The following MDC1 variants were observed in gnomAD, a reference collection of about 807,000 sequenced individuals.
The protein encoded by MDC1 is mediator of DNA damage checkpoint protein 1.
A neutral mutation model predicts 142.5 loss-of-function variants in MDC1; 81 were observed. The ratio of observed to expected loss-of-function variants is 0.57; its 90% CI spans 0.47 to 0.68. The LOEUF (loss-of-function observed/expected upper bound fraction) is 0.68. Ranked by LOEUF, MDC1 falls within the 30% of genes least tolerant of loss-of-function variation. The pLI, the probability that MDC1 is intolerant of heterozygous loss-of-function variation, is 0.00. For missense variants in MDC1, 2,119 were observed against 2,547.9 expected, an observed-to-expected ratio of 0.83 and a Z score of 3.62; for synonymous variants, 797 against 968.4, an observed-to-expected ratio of 0.82 and a Z score of 3.29.
intron 9 of MDC1, 82 bp from the exon 10 acceptor site, chr6:30,706,180 T>A: frequency 8.1e-7 from 1 of 1,239,330 alleles, no homozygotes; most frequent in Non-Finnish European, 1.1e-6. Flanking sequence ...TACTTGTTTA[T>A]GGTTAGATAG....
At position 30,705,798 on chromosome 6, in the gene MDC1, G is replaced by A. The variant is rs1488035891; in HGVS notation, c.3385C>T (p.Pro1129Ser). 6.2e-7 allele frequency: 1 copy of A among 1,612,926 alleles called. No homozygotes were observed. The highest frequency in any genetic ancestry group is 1.3e-5 in the African/African-American group (1 of 74,852). Reference sequence around the variant, plus strand: ...ACTGGCTGGGCTGTGGAGGTGGAAGGGTGGGGCTCAGGGGCAGCAGAGGTA... The same window carrying A: ...ACTGGCTGGGCTGTGGAGGTGGAAGAGTGGGGCTCAGGGGCAGCAGAGGTA... ...PATSAAPEPH[P>S]STSTAQPVTP... The change falls in exon 10 of 15, where the codon CCT (proline) becomes TCT (serine). Residue 1129 changes from proline (P) to serine (S), a missense_variant. Transcript: ENST00000376406.
At chr6:30,711,800 C>T in intron 5 of MDC1, 74 bp from the exon 6 acceptor site, 1 of 1,570,160 alleles carries the variant, frequency 6.4e-7, no homozygotes, top group Non-Finnish European at 8.6e-7. Flanking sequence ...ATAATCTCTA[C>T]CTTTCTCTCC....
In MDC1 at chr6:30,703,325, T is replaced by C; in HGVS notation, c.5683-39A>G. 1 of 1,609,040 alleles carries C rather than the reference T, an allele frequency of 6.2e-7. No individual in the cohort carries two copies. ...GACCTGAGGTGGTTACGGCAACCCA[T>C]GCCATCAGCACCCATCTCTACAATC... On this transcript the variant is annotated intron_variant, in intron 11 of 14. Coordinates refer to ENST00000376406, the MANE Select transcript of MDC1 (RefSeq NM_014641.3). The surrounding 1 kb of genome is among the most constrained non-coding windows in gnomAD (Gnocchi z 4.4).
rs1461162958 is a variant in MDC1 at position 30,707,975 on chromosome 6, G to A, written c.2604C>T (p.Asp868=). The A allele has an allele frequency of 1.9e-6, 3 of 1,612,938 alleles. No individual in the cohort carries two copies. The highest frequency in any genetic ancestry group is 2.7e-5 in the African/African-American group (2 of 74,908). The change falls in exon 8 of 15, where the codon GAC becomes GAT. Residue 868 remains aspartate (D), a synonymous_variant. Transcript: ENST00000376406. ...TTTTGTCAGATTCTTGTCTCTGGGTGTCTCTAGCTAACAACTGTTTTTGTT... is the reference window on the plus strand; with the variant it reads ...TTTTGTCAGATTCTTGTCTCTGGGTATCTCTAGCTAACAACTGTTTTTGTT... ...DREQKQLLAR[D]TQRQESDKNG... is the part of the protein sequence containing the mutation.
chr6:30,711,614 C>G, intron 6 of MDC1, 53 bp downstream of exon 6: 1 of 1,606,256 alleles, frequency 6.2e-7, no homozygotes. Flanking sequence ...GACCACCAGT[C>G]TAATCTCCCA....
At chr6:30,710,453 G>A (rs1317077949) in intron 7 of MDC1, among the ~76,000 whole-genome samples, 2 of 146,410 alleles carry the variant, frequency 1.4e-5, no homozygotes, top group Non-Finnish European at 3.0e-5. Context: ...GCCAGAGTGC[G>A]ATGGCACAAT....
At position 30,705,873 on chromosome 6, in the gene MDC1, T is replaced by A; in HGVS notation, c.3310A>T (p.Lys1104Ter). 6.2e-7 allele frequency: 1 copy of A among 1,610,814 alleles called. No individual in the cohort carries two copies. The highest frequency in any genetic ancestry group is 8.5e-7 in the Non-Finnish European group (1 of 1,178,478). Reference sequence around the variant, plus strand: ...GACTTCCGAGTTCTAATTTTAGGCTTTGGGTGGAAAGGCTCCAGCTCTGAG... The same window carrying A: ...GACTTCCGAGTTCTAATTTTAGGCTATGGGTGGAAAGGCTCCAGCTCTGAG... ...LSSELEPFHP[K>*]PKIRTRKSSR... Residue 1104 changes from lysine (K) to a stop codon, truncating the protein, a stop_gained, in exon 10 of 15, where the codon AAG (lysine) becomes TAG (stop). Transcript: ENST00000376406. LOFTEE classifies it high-confidence loss of function.
chr6:30,701,433 T>C (rs529527450), intron 14 of MDC1, among the ~76,000 whole-genome samples: 2 of 152,126 alleles, frequency 1.3e-5, no homozygotes, highest in South Asian at 4.1e-4. Flanking sequence ...AAGATGAACC[T>C]GAATTTATTC....
At chr6:30,714,966 T>C (rs1775459235) in intron 2 of MDC1, 74 bp downstream of exon 2, 1 of 1,551,950 alleles carries the variant, frequency 6.4e-7, no homozygotes, top group Non-Finnish European at 8.8e-7. Context: ...CATAAGCTTC[T>C]TGCAACCCTC....
In MDC1 at chr6:30,712,183, G is replaced by C; in HGVS notation, c.1759C>G (p.Leu587Val). ...ACATCTGCAACTACTGAGGCTGTTA[G>C]GGAGGTGCCCTCCTCTGCATCTGTT... ...CETDAEEGTS[L>V]TASVVADVRK... Residue 587 changes from leucine to valine, a missense_variant, in exon 5 of 15, where the codon CTA (leucine) becomes GTA (valine). Physicochemically the swap from Leu to Val is conservative, Grantham distance 32. Coordinates refer to ENST00000376406, the MANE Select transcript of MDC1 (RefSeq NM_014641.3). The surrounding 1 kb of genome is among the most constrained non-coding windows in gnomAD (Gnocchi z 4.7). 1 of 1,612,816 alleles carries C rather than the reference G, an allele frequency of 6.2e-7. No individual in the cohort carries two copies. The highest frequency in any genetic ancestry group is 8.5e-7 in the Non-Finnish European group (1 of 1,180,004).
At chr6:30,708,855 C>CAAAAAAAAAAAAAAAAA (rs59939040) in intron 7 of MDC1, among the ~76,000 whole-genome samples, 4 of 55,236 alleles carry the variant, frequency 7.2e-5, no homozygotes, top group East Asian at 1.1e-3. Flanking sequence ...GACTCTGTCT[C>CAAAAAAAAAAAAAAAAA]AAAAAAAAAA....
In MDC1 at chr6:30,700,513, G is replaced by C; in HGVS notation, c.6222C>G (p.Ala2074=). 1.2e-6 allele frequency: 2 copies of C among 1,612,980 alleles called. No individual in the cohort carries two copies. Among genetic ancestry groups the C allele is most frequent in the South Asian group, 2.2e-5 (2 of 91,080 alleles). The change falls in exon 15 of 15, where the codon GCC becomes GCG. Residue 2074 remains alanine, a synonymous_variant. Transcript: ENST00000376406. ...FLLTGVLKQE[A]KPEAFVLSPL... ...GGGAGAGGACAAAGGCCTCTGGCTTGGCTTCCTGCTTCAGCACTCCAGTCA... is the reference window on the plus strand; with the variant it reads ...GGGAGAGGACAAAGGCCTCTGGCTTCGCTTCCTGCTTCAGCACTCCAGTCA...
Position 30,702,793 on chromosome 6 carries a change from G to A in MDC1, c.5950C>T (p.Gln1984Ter). 4 of 1,613,154 alleles carry A rather than the reference G, an allele frequency of 2.5e-6. No homozygotes were observed. The highest frequency in any genetic ancestry group is 3.4e-6 in the Non-Finnish European group (4 of 1,180,034). Reference protein sequence around the residue: ...EQEKNFGFSLQDALSRARERR... With the variant: ...EQEKNFGFSL ...TCCCGAGCCCTGCTCAGTGCGTCTTGAAGGCTAAAGCCAAAGTTCTTCTCT... is the reference window on the plus strand; with the variant it reads ...TCCCGAGCCCTGCTCAGTGCGTCTTAAAGGCTAAAGCCAAAGTTCTTCTCT... The change falls in exon 13 of 15, where the codon CAA becomes TAA. Residue 1984 changes from glutamine to a stop codon, truncating the protein, a stop_gained. Transcript: ENST00000376406. LOFTEE classifies it high-confidence loss of function.
chr6:30,714,068 GT>G lies in MDC1; in HGVS notation c.251del (p.Asp84AlafsTer18). The G allele has an allele frequency of 6.2e-7, 1 of 1,612,878 alleles. No homozygotes were observed. Among genetic ancestry groups the G allele is most frequent in the African/African-American group, 1.3e-5 (1 of 75,026 alleles). On this transcript the variant is annotated frameshift_variant, in exon 3 of 15. Coordinates refer to ENST00000376406, the MANE Select transcript of MDC1 (RefSeq NM_014641.3). LOFTEE classifies it high-confidence loss of function. ...QHAEIEILAW[D>X]KAPILRDCGS... is the part of the protein sequence containing the mutation. ...CACAGTCTCGGAGGATAGGTGCCTTGTCCCAGGCTAAGATTTCAATCTCTGC... is the reference window on the plus strand; with the variant it reads ...CACAGTCTCGGAGGATAGGTGCCTTGCCCAGGCTAAGATTTCAATCTCTGC...
Position 30,704,937 on chromosome 6 carries a change from G to A in MDC1, c.4246C>T (p.Pro1416Ser). Residue 1416 changes from proline to serine, a missense_variant, in exon 10 of 15, where the codon CCT becomes TCT. Pro to Ser is a moderately conservative substitution (Grantham distance 74). Coordinates refer to ENST00000376406, the MANE Select transcript of MDC1 (RefSeq NM_014641.3). The part of the protein sequence containing the change: ...TLVPTAPKLE[P>S]STSTDQPVTP... ...ACAGGTTGGTCTGTGGAAGTGGAAG[G>A]CTCGAGCTTAGGGGCTGTGGGGACA... 2 of 1,603,636 alleles carry A rather than the reference G, an allele frequency of 1.2e-6. No homozygotes were observed. The highest frequency in any genetic ancestry group is 4.5e-5 in the East Asian group (2 of 44,156).
Position 30,711,681 on chromosome 6 carries a change from T to G in MDC1, c.2114A>C (p.Asn705Thr). The G allele has an allele frequency of 6.2e-7, 1 of 1,613,048 alleles. No individual in the cohort carries two copies. Among genetic ancestry groups the G allele is most frequent in the Non-Finnish European group, 8.5e-7 (1 of 1,180,018 alleles). Residue 705 changes from asparagine (N) to threonine (T), a missense_variant, in exon 6 of 15, where the codon AAT becomes ACT. Asn to Thr is a moderately conservative substitution (Grantham distance 65, BLOSUM62 0). Coordinates refer to ENST00000376406, the MANE Select transcript of MDC1 (RefSeq NM_014641.3). Reference sequence around the variant, plus strand: ...GAAGTCCTCACCTTCCAGGCCCTGATTCTCCAGAAAGCACTGGGTAGCTTG... The same window carrying G: ...GAAGTCCTCACCTTCCAGGCCCTGAGTCTCCAGAAAGCACTGGGTAGCTTG... ...DLQATQCFLENQGLEAVQSME... is the reference protein window; with the variant it reads ...DLQATQCFLETQGLEAVQSME...
At position 30,714,112 on chromosome 6, in the gene MDC1, A is replaced by T; in HGVS notation, c.208T>A (p.Ser70Thr). ...ATCTCTGCATGTTGTTTGGAGATAG[A>T]TGGAAAGGGCAGGGCCACAGAGCAG... Reference protein sequence around the residue: ...PDCSVALPFPSISKQHAEIEI... With the variant: ...PDCSVALPFPTISKQHAEIEI... Residue 70 changes from serine to threonine, a missense_variant, in exon 3 of 15, where the codon TCT becomes ACT. Physicochemically the swap from Ser to Thr is moderately conservative, Grantham distance 58. Coordinates refer to ENST00000376406, the MANE Select transcript of MDC1 (RefSeq NM_014641.3). 6.2e-7 allele frequency: 1 copy of T among 1,612,618 alleles called. No individual in the cohort carries two copies. Among genetic ancestry groups the T allele is most frequent in the African/African-American group, 1.3e-5 (1 of 75,040 alleles).
rs1210372267 is a variant in MDC1, at chr6:30,705,049, G to A, written c.4134C>T (p.Ser1378=). The A allele has an allele frequency of 7.4e-6, 12 of 1,612,644 alleles. No homozygotes were observed. Among genetic ancestry groups the A allele is most frequent in the Non-Finnish European group, 1.0e-5 (12 of 1,179,638 alleles). The change falls in exon 10 of 15, where the codon TCC becomes TCT. Residue 1378 remains serine, a synonymous_variant. Coordinates refer to ENST00000376406, the MANE Select transcript of MDC1 (RefSeq NM_014641.3). ...PIAPELPPST[S]TEQPVTPEPT... The stretch of plus-strand genomic sequence containing the variant: ...GCTCAGGGGTGACAGGCTGCTCTGT[G>A]GAGGTGGAAGGTGGGAGCTCAGGGG...
At position 30,716,695 on chromosome 6, in the gene MDC1, G is replaced by A. The variant is rs936278143; in HGVS notation, c.-4+550C>T. 6.6e-6 allele frequency among the ~76,000 whole-genome samples: 1 copy of A among 152,112 alleles called. No individual in the cohort carries two copies. The highest frequency in any genetic ancestry group is 1.5e-5 in the Non-Finnish European group (1 of 68,022). Reference sequence around the variant, plus strand: ...TCACCCACCTCCAGGACTGGATTAGGGGAACCGTGTCTTTCCCCTAGGGTC... The same window carrying A: ...TCACCCACCTCCAGGACTGGATTAGAGGAACCGTGTCTTTCCCCTAGGGTC... On this transcript the variant is annotated intron_variant, in intron 1 of 14. Coordinates refer to ENST00000376406, the MANE Select transcript of MDC1 (RefSeq NM_014641.3). This position sits in a 1 kb window ranked among gnomAD's most constrained non-coding sequence, Gnocchi z 4.4.
Sources: gnomAD v4.1 joint callset for allele counts (sites outside exome capture counted in the v4.1 genomes callset) on GRCh38, gnomAD v4.1.1 for gene constraint, Gnocchi (gnomAD v3.1) non-coding constraint, MANE v1.5 for transcripts, NCBI Gene and HGNC (gene_info 2026-07-23, HGNC 2026-07-21) for gene names.